The following DCK variants were observed in gnomAD, a reference collection of about 807,000 sequenced individuals.
The protein encoded by DCK is deoxycytidine kinase, also known as deoxyadenosine kinase.
In DCK, 23 loss-of-function variants were observed where a neutral mutation model predicts 38.3. That is an observed-to-expected ratio of 0.60 (90% CI 0.43 to 0.85). The LOEUF (loss-of-function observed/expected upper bound fraction) is 0.85. Ranked by LOEUF, DCK falls within the 40% of genes least tolerant of loss-of-function variation. The pLI, the probability that DCK is intolerant of heterozygous loss-of-function variation, is 0.00. For synonymous variants in DCK, 108 were observed against 100.6 expected, an observed-to-expected ratio of 1.07 and a Z score of -0.44; for missense variants, 259 against 304.4, an observed-to-expected ratio of 0.85 and a Z score of 1.11.
chr4:71,008,620 C>A (rs7669445), intron 2 of DCK, among the ~76,000 whole-genome samples: 1 of 152,108 alleles, frequency 6.6e-6, no homozygotes, highest in Non-Finnish European at 1.5e-5. Flanking sequence ...AGGTAGTAGA[C>A]AGAAACTAAC....
intron 1 of DCK, among the ~76,000 whole-genome samples, chr4:70,996,289 A>G (rs902357745): frequency 5.9e-5 from 9 of 151,538 alleles, no homozygotes; most frequent in African/African-American, 2.2e-4. Context: ...TTTGAGACCT[A>G]TAGTTTGAGG....
At chr4:71,007,060 T>C (rs1739963869) in intron 2 of DCK, among the ~76,000 whole-genome samples, 1 of 152,186 alleles carries the variant, frequency 6.6e-6, no homozygotes, top group African/African-American at 2.4e-5. Flanking sequence ...AAATACTTTT[T>C]CATACACCTT....
intron 2 of DCK, among the ~76,000 whole-genome samples, chr4:71,013,024 G>A (rs1260587383): frequency 1.3e-5 from 2 of 151,976 alleles, no homozygotes; most frequent in South Asian, 2.1e-4. Context: ...GAAAAAAGAC[G>A]AATGGCTAAC....
chr4:71,029,096 G>A (rs1184308738), intron 6 of DCK, among the ~76,000 whole-genome samples: 2 of 152,112 alleles, frequency 1.3e-5, no homozygotes, highest in African/African-American at 4.8e-5. Context: ...GTTTCACCAT[G>A]TTGGCCAGGC....
intron 2 of DCK, among the ~76,000 whole-genome samples, chr4:71,019,064 G>A (rs974331630): frequency 4.6e-5 from 7 of 152,102 alleles, no homozygotes; most frequent in African/African-American, 1.7e-4. Context: ...AAAAGAAAAT[G>A]TTTTATATGA....
At chr4:71,026,398 T>G (rs559874042) in intron 5 of DCK, among the ~76,000 whole-genome samples, 1 of 152,150 alleles carries the variant, frequency 6.6e-6, no homozygotes, top group East Asian at 1.9e-4. Context: ...ATGCAGAAAT[T>G]CCTACTTTAT....
intron 3 of DCK, among the ~76,000 whole-genome samples, 165 bp downstream of exon 3, chr4:71,022,725 C>G (rs1740460884): frequency 6.6e-6 from 1 of 151,702 alleles, no homozygotes. Flanking sequence ...GTACTAATGG[C>G]ATTAGGGAAG....
At chr4:71,012,855 C>T (rs540283415) in intron 2 of DCK, among the ~76,000 whole-genome samples, 11 of 152,274 alleles carry the variant, frequency 7.2e-5, no homozygotes, top group South Asian at 2.1e-4. Flanking sequence ...AAAATCAGAG[C>T]GCCTCTCACC....
rs766741021 is a variant in DCK at position 71,023,565 on chromosome 4, T to A, written c.408T>A (p.Ile136=). Residue 136 remains isoleucine (I), a synonymous_variant, in exon 4 of 7, where the codon ATT becomes ATA. Transcript: ENST00000286648. ...GATGAAGACTCTCTTTTAGGTATAT[T>A]TTTGCATCTAATTTGTATGAATCTG... The part of the protein sequence containing the change: ...FERSVYSDRY[I]FASNLYESEC... 17 of 1,586,966 alleles carry A rather than the reference T, an allele frequency of 1.1e-5. No homozygotes were observed. The highest frequency in any genetic ancestry group is 1.7e-4 in the Middle Eastern group (1 of 6,004).
intron 6 of DCK, chr4:71,028,615 C>G (rs201388255): frequency 4.4e-6 from 1 of 229,456 alleles, no homozygotes; most frequent in East Asian, 1.7e-4. Context: ...TTTTTTTTCT[C>G]GAGACAGTCT....
At chr4:71,022,587 C>A in intron 3 of DCK, 27 bp downstream of exon 3, 1 of 1,289,380 alleles carries the variant, frequency 7.8e-7, no homozygotes, top group Non-Finnish European at 1.0e-6. Flanking sequence ...TGTACGTGGC[C>A]ATTTGAAGTT....
chr4:71,021,697 G>T (rs1469990864), intron 2 of DCK, among the ~76,000 whole-genome samples: 1 of 152,162 alleles, frequency 6.6e-6, no homozygotes, highest in Non-Finnish European at 1.5e-5. Context: ...TGCCAAGAGG[G>T]AATATGGGCA....
At chr4:71,028,235 G>C (rs1276292382) in intron 6 of DCK, among the ~76,000 whole-genome samples, 1 of 152,330 alleles carries the variant, frequency 6.6e-6, no homozygotes, top group African/African-American at 2.4e-5. Context: ...GCATATGTCA[G>C]TGGTCTATGA....
At chr4:71,028,612 T>TTTTC (rs35880082) in intron 6 of DCK, 8 of 435,894 alleles carry the variant, frequency 1.8e-5, no homozygotes, top group South Asian at 5.0e-5. Flanking sequence ...TTCTTTTTTT[T>TTTTC]CTCGAGACAG....
At position 71,015,969 on chromosome 4, in the gene DCK, A is replaced by G. The variant is rs563426388; in HGVS notation, c.208-6398A>G. Among the ~76,000 whole-genome samples, 362 of 152,308 alleles carry G rather than the reference A, an allele frequency of 2.4e-3. 2 individuals carry two copies. Among genetic ancestry groups the G allele is most frequent in the African/African-American group, 5.7e-3 (238 of 41,556 alleles). Reference sequence around the variant, plus strand: ...AGTAGAAGGAAATAAAGGGTATTCAATTAGGAAAAGAGGAAGTCAAATTGT... The same window carrying G: ...AGTAGAAGGAAATAAAGGGTATTCAGTTAGGAAAAGAGGAAGTCAAATTGT... On this transcript the variant is annotated intron_variant, in intron 2 of 6. Coordinates refer to ENST00000286648, the MANE Select transcript of DCK (RefSeq NM_000788.3).
At position 71,026,673 on chromosome 4, in the gene DCK, TC is replaced by T; in HGVS notation, c.675del (p.Phe225LeufsTer10). The T allele has an allele frequency of 6.6e-7, 1 of 1,514,784 alleles. No homozygotes were observed. The allele number at this position is 1,514,784 out of a possible 1,614,324, so 93.8% of individuals were successfully genotyped here. A position where few individuals can be genotyped will look rare whatever the true frequency, so the allele number is the denominator to read the frequency against. On this transcript the variant is annotated frameshift_variant, in exon 6 of 7. Coordinates refer to ENST00000286648, the MANE Select transcript of DCK (RefSeq NM_000788.3). LOFTEE classifies it high-confidence loss of function. Reference protein sequence around the residue: ...WLLHRTLKTNFDYLQEVPILT... With the variant: ...WLLHRTLKTNXDYLQEVPILT... Reference sequence around the variant, plus strand: ...TCTCTCTTTTTAAACAGAACCAACTTCGATTATCTTCAAGAGGTGCCTATCT... The same window carrying T: ...TCTCTCTTTTTAAACAGAACCAACTTGATTATCTTCAAGAGGTGCCTATCT...
chr4:71,019,475 A>G (rs761267766), intron 2 of DCK, among the ~76,000 whole-genome samples: 1 of 152,168 alleles, frequency 6.6e-6, no homozygotes, highest in Non-Finnish European at 1.5e-5. Flanking sequence ...TTAGGTCATT[A>G]TGAACAGATC....
chr4:71,027,327 T>C (rs1302237133), intron 6 of DCK, among the ~76,000 whole-genome samples: 1 of 152,140 alleles, frequency 6.6e-6, no homozygotes, highest in Non-Finnish European at 1.5e-5. Flanking sequence ...TTAATTGACA[T>C]TACTTAATCA....
At chr4:71,005,256 T>C (rs1191628635) in intron 2 of DCK, among the ~76,000 whole-genome samples, 1 of 151,642 alleles carries the variant, frequency 6.6e-6, no homozygotes, top group Non-Finnish European at 1.5e-5. Flanking sequence ...GGTGAGGCGA[T>C]GCCCCACCCT....
Sources: gnomAD v4.1 joint callset for allele counts (sites outside exome capture counted in the v4.1 genomes callset) on GRCh38, gnomAD v4.1.1 for gene constraint, MANE v1.5 for transcripts, NCBI Gene and HGNC (gene_info 2026-07-23, HGNC 2026-07-21) for gene names.